The following DPP10 variants were observed in gnomAD, a reference collection of about 807,000 sequenced individuals.
The protein encoded by DPP10 is dipeptidyl peptidase like 10.
DPP10 carries 33 observed loss-of-function variants against 120.9 expected under a neutral mutation model. The ratio of observed to expected loss-of-function variants is 0.27; its 90% confidence interval spans 0.21 to 0.37. The LOEUF is 0.37. Ranked by LOEUF, DPP10 falls within the 10% of genes least tolerant of loss-of-function variation. The pLI is 1.00. For synonymous variants in DPP10, 337 were observed against 326.1 expected (o/e 1.03, Z -0.36); for missense variants, 816 against 942.8 (o/e 0.87, Z 1.76).
chr2:115,318,433 G>T (rs1429075056), intron 2 of DPP10, among the ~76,000 whole-genome samples: 1 of 152,064 alleles, frequency 6.6e-6, no homozygotes, highest in Non-Finnish European at 1.5e-5. Flanking sequence ...ATAAATTTGA[G>T]AATTAGCTTT....
chr2:114,703,766 G>C (rs1700522738), intron 1 of DPP10, among the ~76,000 whole-genome samples: 1 of 152,090 alleles, frequency 6.6e-6, no homozygotes, highest in Admixed American at 6.6e-5. Context: ...TAGAAATGTT[G>C]AAACTAGAAG....
At chr2:115,439,643 T>C (rs1408505295) in intron 3 of DPP10, among the ~76,000 whole-genome samples, 2 of 152,214 alleles carry the variant, frequency 1.3e-5, no homozygotes, top group African/African-American at 4.8e-5. Flanking sequence ...TGAAGAATTA[T>C]AATGCAGCTT....
At chr2:114,937,010 T>G (rs1441212824) in intron 1 of DPP10, among the ~76,000 whole-genome samples, 1 of 152,192 alleles carries the variant, frequency 6.6e-6, no homozygotes, top group African/African-American at 2.4e-5. Context: ...GTCGGATGTA[T>G]AGATTGTGAA....
chr2:115,237,561 A>G (rs773802301), intron 1 of DPP10, among the ~76,000 whole-genome samples: 1 of 152,214 alleles, frequency 6.6e-6, no homozygotes, highest in Non-Finnish European at 1.5e-5. Flanking sequence ...ATTAAGCTTA[A>G]TGAGGAAGGC....
intron 5 of DPP10, among the ~76,000 whole-genome samples, chr2:115,636,281 C>T (rs978132071): frequency 6.6e-6 from 1 of 151,922 alleles, no homozygotes; most frequent in African/African-American, 2.4e-5. Context: ...AAAACATCAA[C>T]TATTTTAAAT....
intron 11 of DPP10, among the ~76,000 whole-genome samples, chr2:115,758,843 G>C (rs944591222): frequency 3.3e-5 from 5 of 152,100 alleles, no homozygotes; most frequent in Admixed American, 6.6e-5. Context: ...CAGTTCAATG[G>C]AGAAAAATGG....
Position 115,836,666 on chromosome 2 carries a change from C to G in DPP10, c.2110-8C>G. The G allele has an allele frequency of 6.2e-6, 10 of 1,611,552 alleles. No homozygotes were observed. Among genetic ancestry groups the G allele is most frequent in the Non-Finnish European group, 8.5e-6 (10 of 1,179,164 alleles). Reference sequence around the variant, plus strand: ...TATAGATACAGATATTTGTATTTTCCTTTATAGGCAGCCAGTGTGCTACAT... The same window carrying G: ...TATAGATACAGATATTTGTATTTTCGTTTATAGGCAGCCAGTGTGCTACAT... On this transcript the variant is annotated splice_region_variant and splice_polypyrimidine_tract_variant and intron_variant, in intron 23 of 25. Transcript: ENST00000410059.
At chr2:115,215,615 A>C (rs2056773507) in intron 1 of DPP10, among the ~76,000 whole-genome samples, 2 of 152,188 alleles carry the variant, frequency 1.3e-5, no homozygotes, top group Non-Finnish European at 2.9e-5. Context: ...AAATTACAGA[A>C]GTGGGCAAAG....
chr2:115,143,251 C>T (rs746190218), intron 1 of DPP10, among the ~76,000 whole-genome samples: 81 of 152,148 alleles, frequency 5.3e-4, no homozygotes, highest in Non-Finnish European at 1.1e-3. Flanking sequence ...CAGAAGGGTA[C>T]ACCATTTATA....
chr2:115,377,731 A>G (rs989422140), intron 3 of DPP10, among the ~76,000 whole-genome samples: 1 of 151,940 alleles, frequency 6.6e-6, no homozygotes, highest in African/African-American at 2.4e-5. Flanking sequence ...ATTTTTGTAT[A>G]AGGTGTAAGG....
chr2:114,839,408 A>G (rs541280532), intron 1 of DPP10, among the ~76,000 whole-genome samples: 1 of 152,324 alleles, frequency 6.6e-6, no homozygotes, highest in South Asian at 2.1e-4. Flanking sequence ...AGGAGCTACT[A>G]TGTACATTAA....
In DPP10 at chr2:115,105,194, C is replaced by T. The variant is rs1475026944; in HGVS notation, c.61-204045C>T. Reference sequence around the variant, plus strand: ...GATTATTCTTCCTTAAAATCTTTTTCTCTGAGATGATTATGTCATGATTTT... The same window carrying T: ...GATTATTCTTCCTTAAAATCTTTTTTTCTGAGATGATTATGTCATGATTTT... On this transcript the variant is annotated intron_variant, in intron 1 of 25. Coordinates refer to ENST00000410059, the MANE Select transcript of DPP10 (RefSeq NM_020868.6). Among the ~76,000 whole-genome samples, 5 of 152,140 alleles carry T rather than the reference C, an allele frequency of 3.3e-5. No individual in the cohort carries two copies. The East Asian group carries it at 7.7e-4, about 24-fold the overall frequency.
intron 1 of DPP10, among the ~76,000 whole-genome samples, chr2:115,278,399 G>A (rs965448230): frequency 1.7e-4 from 26 of 152,044 alleles, no homozygotes; most frequent in East Asian, 3.9e-4. Flanking sequence ...TTTTAGATCC[G>A]TTGTTACAGG....
rs76292660 is a variant in DPP10 at position 115,521,684 on chromosome 2, T to G, written c.367-4214T>G. Among the ~76,000 whole-genome samples, 34 of 152,018 alleles carry G rather than the reference T, an allele frequency of 2.2e-4. No homozygotes were observed. In the East Asian group the frequency reaches 6.2e-3, roughly 28 times the overall value. The stretch of plus-strand genomic sequence containing the variant: ...TCTTTGCCTCTGCTTCTTCCTTAAC[T>G]TTGTAACATTGCTTTCTTGGATTGT... On this transcript the variant is annotated intron_variant, in intron 4 of 25. Transcript: ENST00000410059.
chr2:115,238,607 G>A (rs2105545187), intron 1 of DPP10, among the ~76,000 whole-genome samples: 1 of 152,272 alleles, frequency 6.6e-6, no homozygotes, highest in East Asian at 1.9e-4. Flanking sequence ...AAAATTAGAA[G>A]TGGAGTCTCC....
intron 3 of DPP10, among the ~76,000 whole-genome samples, chr2:115,488,880 TAAAA>T (rs35020299): frequency 9.4e-4 from 119 of 126,768 alleles, no homozygotes; most frequent in African/African-American, 2.8e-3. Context: ...TAGAGTATAA[TAAAA>T]AAAAAAAAAA....
At chr2:115,033,110 C>T (rs1327094894) in intron 1 of DPP10, among the ~76,000 whole-genome samples, 3 of 152,100 alleles carry the variant, frequency 2.0e-5, no homozygotes, top group South Asian at 2.1e-4. Flanking sequence ...TTTTATTTCA[C>T]TTGAACCTCT....
At chr2:114,707,381 T>G (rs1700749745) in intron 1 of DPP10, among the ~76,000 whole-genome samples, 1 of 152,222 alleles carries the variant, frequency 6.6e-6, no homozygotes, top group Admixed American at 6.5e-5. Flanking sequence ...TTTCAAATTA[T>G]TAGACAGCTA....
chr2:115,469,586 C>T (rs1238317900), intron 3 of DPP10, among the ~76,000 whole-genome samples: 5 of 152,094 alleles, frequency 3.3e-5, no homozygotes, highest in Non-Finnish European at 7.4e-5. Flanking sequence ...AAAAAGTTAA[C>T]GTCCCAGGTT....
Sources: gnomAD v4.1 joint callset for allele counts (sites outside exome capture counted in the v4.1 genomes callset) on GRCh38, gnomAD v4.1.1 for gene constraint, MANE v1.5 for transcripts, NCBI Gene and HGNC (gene_info 2026-07-23, HGNC 2026-07-21) for gene names.